LPIN2: variants seen among roughly 807,000 people sequenced by gnomAD.
LPIN2 encodes phosphatidate phosphatase LPIN2.
In LPIN2, 55 loss-of-function variants were observed where a neutral mutation model predicts 111.4. The observed-to-expected ratio is 0.49, with a 90% CI of 0.40 to 0.62. The LOEUF is 0.62. Among genes scored for constraint, LPIN2 ranks in the 20% least tolerant of loss-of-function variants. The pLI is 0.00. For synonymous variants in LPIN2, 425 were observed against 414.0 expected, an observed-to-expected ratio of 1.03 and a Z score of -0.32; for missense variants, 992 against 1,112.1, an observed-to-expected ratio of 0.89 and a Z score of 1.54.
At chr18:2,992,700 T>C (rs1046448780) in intron 1 of LPIN2, among the ~76,000 whole-genome samples, 2 of 151,826 alleles carry the variant, frequency 1.3e-5, no homozygotes, top group African/African-American at 2.4e-5. Flanking sequence ...AAAAAATCTT[T>C]AGGCCGGGTG....
At chr18:2,996,794 A>T (rs1308491912) in intron 1 of LPIN2, among the ~76,000 whole-genome samples, 1 of 151,916 alleles carries the variant, frequency 6.6e-6, no homozygotes, top group Non-Finnish European at 1.5e-5. Context: ...TTATCTATCT[A>T]TTGAGTATCA....
intron 3 of LPIN2, 57 bp from the exon 4 acceptor site, chr18:2,951,413 G>A: frequency 7.2e-7 from 1 of 1,394,836 alleles, no homozygotes; most frequent in South Asian, 1.2e-5. Flanking sequence ...GTGAATTAAA[G>A]CAGTAATATT....
chr18:2,936,956 ATC>A lies in LPIN2; in HGVS notation c.1168+734_1168+735del, dbSNP rs111343329. Among the ~76,000 whole-genome samples, 306 of 152,342 alleles carry A rather than the reference ATC, an allele frequency of 2.0e-3. 1 individual carries two copies. Among genetic ancestry groups the A allele is most frequent in the African/African-American group, 7.2e-3 (299 of 41,578 alleles). On this transcript the variant is annotated intron_variant, in intron 7 of 19. Transcript: ENST00000677752. ...TCATAATTAGTATGCATTGATTTTT[ATC>A]TGATATTACTGCTAAAAAACCTACC...
intron 1 of LPIN2, among the ~76,000 whole-genome samples, chr18:2,976,385 C>G (rs2078016237): frequency 6.6e-6 from 1 of 151,990 alleles, no homozygotes. Flanking sequence ...AGTCAGTACT[C>G]TCAGTAACTG....
At chr18:2,947,962 T>G (rs1017146437) in intron 4 of LPIN2, among the ~76,000 whole-genome samples, 14 of 152,182 alleles carry the variant, frequency 9.2e-5, no homozygotes, top group African/African-American at 3.1e-4. Context: ...CTTTATAGAT[T>G]AAGAAACCAA....
intron 7 of LPIN2, 111 bp from the exon 8 acceptor site, chr18:2,934,561 G>T (rs1427684521): frequency 1.2e-5 from 9 of 742,952 alleles, no homozygotes; most frequent in Admixed American, 8.1e-5. Context: ...TTTGAATAGG[G>T]TTTTAATTTT....
At chr18:2,986,963 A>T (rs2078196059) in intron 1 of LPIN2, among the ~76,000 whole-genome samples, 2 of 152,064 alleles carry the variant, frequency 1.3e-5, no homozygotes, top group Non-Finnish European at 2.9e-5. Context: ...CAGTTGCTTG[A>T]CAGGGGTGGA....
chr18:2,922,905 G>A (rs1009788342), intron 16 of LPIN2, among the ~76,000 whole-genome samples: 3 of 152,114 alleles, frequency 2.0e-5, no homozygotes, highest in African/African-American at 7.2e-5. Flanking sequence ...CAGACAAGAA[G>A]CAAAATTATA....
chr18:2,926,035 CTTAGG>C (rs1359376548), intron 13 of LPIN2, among the ~76,000 whole-genome samples: 1 of 152,128 alleles, frequency 6.6e-6, no homozygotes, highest in Non-Finnish European at 1.5e-5. Context: ...GTCCCAGCTA[CTTAGG>C]AGGCCGAGGC....
chr18:2,987,117 C>A (rs928232753), intron 1 of LPIN2, among the ~76,000 whole-genome samples: 3 of 152,146 alleles, frequency 2.0e-5, no homozygotes, highest in African/African-American at 4.8e-5. Context: ...GGTTATATCA[C>A]CCCCATTTCA....
intron 1 of LPIN2, among the ~76,000 whole-genome samples, chr18:2,965,497 G>A (rs887059293): frequency 1.3e-5 from 2 of 152,138 alleles, no homozygotes; most frequent in Admixed American, 6.5e-5. Flanking sequence ...GGGAGGCCGA[G>A]GCAGGTAGAT....
intron 3 of LPIN2, among the ~76,000 whole-genome samples, chr18:2,951,895 C>T (rs1012615562): frequency 2.6e-5 from 4 of 152,082 alleles, no homozygotes; most frequent in South Asian, 2.1e-4. Context: ...GAGACAATAC[C>T]GTGTAACAAA....
intron 2 of LPIN2, among the ~76,000 whole-genome samples, chr18:2,959,018 T>C (rs2077666348): frequency 6.6e-6 from 1 of 152,136 alleles, no homozygotes. Context: ...TTGTTGCCAA[T>C]TCCCCCAGAA....
At chr18:3,009,696 C>T (rs1176984672) in intron 1 of LPIN2, among the ~76,000 whole-genome samples, 1 of 152,144 alleles carries the variant, frequency 6.6e-6, no homozygotes, top group African/African-American at 2.4e-5. Flanking sequence ...CCGCCTCGGC[C>T]TCCCAAAGTG....
intron 1 of LPIN2, among the ~76,000 whole-genome samples, chr18:2,975,857 A>G (rs1454741962): frequency 6.6e-6 from 1 of 152,236 alleles, no homozygotes; most frequent in Non-Finnish European, 1.5e-5. Flanking sequence ...AGCCATGTGC[A>G]GTATTTTCAG....
rs549893275 is a variant in LPIN2 at position 2,965,359 on chromosome 18, T to C, written c.-9-4510A>G. Among the ~76,000 whole-genome samples, 4 of 152,314 alleles carry C rather than the reference T, an allele frequency of 2.6e-5. No individual in the cohort carries two copies. The South Asian group carries it at 6.2e-4, about 24-fold the overall frequency. On this transcript the variant is annotated intron_variant, in intron 1 of 19. Transcript: ENST00000677752. Reference sequence around the variant, plus strand: ...CAAGATTTCGTTATTCACCAAAAGTTTGAAGATCAGCTTAGCATCTTTTGC... The same window carrying C: ...CAAGATTTCGTTATTCACCAAAAGTCTGAAGATCAGCTTAGCATCTTTTGC...
intron 8 of LPIN2, among the ~76,000 whole-genome samples, chr18:2,933,517 TAGAA>T (rs994960441): frequency 2.0e-5 from 3 of 152,236 alleles, no homozygotes; most frequent in African/African-American, 7.2e-5. Context: ...AGGACAGAGC[TAGAA>T]AGGAGTTTTA....
intron 3 of LPIN2, among the ~76,000 whole-genome samples, chr18:2,951,839 C>T (rs1042161996): frequency 6.6e-5 from 10 of 152,158 alleles, no homozygotes; most frequent in African/African-American, 1.4e-4. Flanking sequence ...TGATACAGAG[C>T]GGCCAATGCT....
intron 4 of LPIN2, among the ~76,000 whole-genome samples, chr18:2,942,246 C>T (rs929361740): frequency 1.2e-4 from 18 of 152,150 alleles, no homozygotes; most frequent in Non-Finnish European, 1.6e-4. Flanking sequence ...TGGCATACCA[C>T]TCATTGAAGG....
Sources: allele counts gnomAD v4.1 joint callset (sites outside exome capture counted in the v4.1 genomes callset), GRCh38; gene constraint gnomAD v4.1.1; transcripts MANE v1.5; gene names NCBI Gene and HGNC (gene_info 2026-07-23, HGNC 2026-07-21).